RFX3: variants seen among roughly 807,000 people sequenced by gnomAD.
The protein encoded by RFX3 is transcription factor RFX3.
In RFX3, 14 loss-of-function variants were observed where a neutral mutation model predicts 98.6. That is an observed-to-expected ratio of 0.14 (90% CI 0.09 to 0.22). The LOEUF (loss-of-function observed/expected upper bound fraction) is 0.22. Ranked by LOEUF, RFX3 falls within the 10% of genes least tolerant of loss-of-function variation. The pLI is 1.00. For synonymous variants in RFX3, 383 were observed against 328.4 expected, an observed-to-expected ratio of 1.17 and a Z score of -1.80; for missense variants, 639 against 926.9, an observed-to-expected ratio of 0.69 and a Z score of 4.03.
At chr9:3,325,838 G>A (rs1831849616) in intron 4 of RFX3, among the ~76,000 whole-genome samples, 1 of 151,938 alleles carries the variant, frequency 6.6e-6, no homozygotes, top group Non-Finnish European at 1.5e-5. Context: ...TGATTATATA[G>A]AAAAATAATC....
At chr9:3,345,146 C>T (rs76343821) in intron 3 of RFX3, among the ~76,000 whole-genome samples, 244 of 152,106 alleles carry the variant, frequency 1.6e-3, no homozygotes, top group African/African-American at 5.5e-3. Context: ...AAGCTAACTG[C>T]AGAGAAGGAG....
chr9:3,438,566 T>C (rs1845358908), intron 1 of RFX3, among the ~76,000 whole-genome samples: 1 of 151,858 alleles, frequency 6.6e-6, no homozygotes, highest in African/African-American at 2.4e-5. Context: ...ATCTAAATAC[T>C]CCAATTAAAA....
rs1016670746 is a variant in RFX3, at chr9:3,349,411, A to T, written c.118-2647T>A. ...GCTTGATACGCAGTTAAATTCATGT[A>T]TTTAATTTTCTTTTTAATTTTAGGA... On this transcript the variant is annotated intron_variant, in intron 2 of 16. Transcript: ENST00000617270. Among the ~76,000 whole-genome samples the T allele has an allele frequency of 3.3e-4, 50 of 152,100 alleles. 2 individuals carry two copies. The highest frequency in any genetic ancestry group is 3.2e-3 in the Admixed American group (49 of 15,254).
At position 3,489,505 on chromosome 9, in the gene RFX3, A is replaced by G. The variant is rs140873853; in HGVS notation, c.-9+36242T>C. 709 of 695,782 alleles carry G rather than the reference A, an allele frequency of 1.0e-3. 2 individuals are homozygous for G. Among genetic ancestry groups the G allele is most frequent in the Admixed American group, 1.2e-3 (19 of 15,948 alleles). 43.1% of individuals were successfully genotyped at this position (695,782 alleles called of 1,614,324 possible). A position where few individuals can be genotyped will look rare whatever the true frequency, so the allele number is the denominator to read the frequency against. ...AGTAGAGTAGGGGAATTATGACATC[A>G]GCAGTATATTAACCAATTACTCTAC... On this transcript the variant is annotated intron_variant, in intron 1 of 16. Transcript: ENST00000617270.
chr9:3,239,585 A>G (rs1819638687), intron 15 of RFX3, among the ~76,000 whole-genome samples: 1 of 152,252 alleles, frequency 6.6e-6, no homozygotes, highest in African/African-American at 2.4e-5. Flanking sequence ...TCTAAGACAC[A>G]CTTACAAGTG....
chr9:3,309,620 G>A lies in RFX3; in HGVS notation c.475-8000C>T, dbSNP rs141282153. On this transcript the variant is annotated intron_variant, in intron 4 of 16. Transcript: ENST00000617270. Reference sequence around the variant, plus strand: ...GAGGGTCAAATGATGTCCAATAAACGTTGTGCTTGTGTTCTCTTCCCATGT... The same window carrying A: ...GAGGGTCAAATGATGTCCAATAAACATTGTGCTTGTGTTCTCTTCCCATGT... 2.1e-4 allele frequency among the ~76,000 whole-genome samples: 32 copies of A among 152,148 alleles called. No individual in the cohort carries two copies. In the East Asian group the frequency reaches 3.5e-3, roughly 17 times the overall value.
chr9:3,280,384 CATGGTATATCGACA>C (rs1825783505), intron 7 of RFX3, among the ~76,000 whole-genome samples: 1 of 151,700 alleles, frequency 6.6e-6, no homozygotes, highest in African/African-American at 2.4e-5. Flanking sequence ...TGAATCATGT[CATGGTATATCGACA>C]ATGTATTGTC....
In RFX3 at chr9:3,252,774, GT is replaced by G. The variant is rs556357237; in HGVS notation, c.1814+4216del. ...CCTGATTTCAGCATAAAATGCACAC[GT>G]AATACTAAATTCTGTTGGAAGTTTA... On this transcript the variant is annotated intron_variant, in intron 14 of 16. Coordinates refer to ENST00000617270, the MANE Select transcript of RFX3 (RefSeq NM_001282116.2). Among the ~76,000 whole-genome samples the G allele has an allele frequency of 9.2e-5, 14 of 152,106 alleles. No individual in the cohort carries two copies. In the South Asian group the frequency reaches 2.1e-3, roughly 23 times the overall value.
At chr9:3,390,694 G>A (rs1437574780) in intron 2 of RFX3, among the ~76,000 whole-genome samples, 2 of 152,106 alleles carry the variant, frequency 1.3e-5, no homozygotes, top group African/African-American at 2.4e-5. Flanking sequence ...TTTAAAAATG[G>A]GAGTTTCCCT....
chr9:3,400,494 T>A (rs562690957), intron 1 of RFX3, among the ~76,000 whole-genome samples: 2 of 152,182 alleles, frequency 1.3e-5, no homozygotes, highest in Non-Finnish European at 2.9e-5. Context: ...TATTCCCAAA[T>A]TACTGCTCAT....
At chr9:3,367,586 CCAGA>C (rs1291137659) in intron 2 of RFX3, among the ~76,000 whole-genome samples, 1 of 152,176 alleles carries the variant, frequency 6.6e-6, no homozygotes, top group South Asian at 2.1e-4. Flanking sequence ...AGAAACTAAT[CCAGA>C]CAGAGTCCAA....
intron 1 of RFX3, among the ~76,000 whole-genome samples, chr9:3,498,355 T>A (rs921853979): frequency 6.6e-6 from 1 of 152,094 alleles, no homozygotes; most frequent in African/African-American, 2.4e-5. Context: ...TAGCCTGTTT[T>A]CTTAGATAAA....
intron 1 of RFX3, among the ~76,000 whole-genome samples, chr9:3,521,033 T>C (rs1818657933): frequency 6.6e-6 from 1 of 152,190 alleles, no homozygotes; most frequent in African/African-American, 2.4e-5. Flanking sequence ...TGATAACCAC[T>C]ATTGCCATTT....
chr9:3,417,379 C>T (rs974327333), intron 1 of RFX3, among the ~76,000 whole-genome samples: 52 of 152,032 alleles, frequency 3.4e-4, no homozygotes, highest in Non-Finnish European at 5.4e-4. Flanking sequence ...AATATATACC[C>T]TTCTCAAGTA....
intron 1 of RFX3, among the ~76,000 whole-genome samples, chr9:3,494,213 A>G (rs1402639930): frequency 6.6e-6 from 1 of 152,162 alleles, no homozygotes; most frequent in Non-Finnish European, 1.5e-5. Context: ...TTCTGCCTCA[A>G]TCATATATTT....
intron 3 of RFX3, among the ~76,000 whole-genome samples, chr9:3,337,031 G>A (rs902091680): frequency 1.3e-5 from 2 of 152,270 alleles, no homozygotes; most frequent in Non-Finnish European, 2.9e-5. Context: ...ACAGACTATT[G>A]TAAGAAGTTT....
rs185489909 is a variant in RFX3, at chr9:3,369,890, C to T, written c.118-23126G>A. Among the ~76,000 whole-genome samples, 950 of 152,048 alleles carry T rather than the reference C, an allele frequency of 6.2e-3. 7 individuals carry two copies. Among genetic ancestry groups the T allele is most frequent in the African/African-American group, 0.017 (685 of 41,498 alleles). On this transcript the variant is annotated intron_variant, in intron 2 of 16. Coordinates refer to ENST00000617270, the MANE Select transcript of RFX3 (RefSeq NM_001282116.2). ...TGTCGCCCAGGCTGGAGTGCGGTGGCGCCATCTCCGCTCACTGCAAGCTCC... is the reference window on the plus strand; with the variant it reads ...TGTCGCCCAGGCTGGAGTGCGGTGGTGCCATCTCCGCTCACTGCAAGCTCC...
chr9:3,336,708 A>G (rs769040446), intron 3 of RFX3, among the ~76,000 whole-genome samples: 33 of 152,336 alleles, frequency 2.2e-4, no homozygotes, highest in Non-Finnish European at 3.7e-4. Flanking sequence ...GGTAAAAACT[A>G]AACATGCATG....
chr9:3,459,861 C>A (rs1047527854), intron 1 of RFX3, among the ~76,000 whole-genome samples: 7 of 152,008 alleles, frequency 4.6e-5, no homozygotes, highest in African/African-American at 1.4e-4. Context: ...AACTCTAATA[C>A]AATTTCATTT....
Sources: allele counts gnomAD v4.1 joint callset (sites outside exome capture counted in the v4.1 genomes callset), GRCh38; gene constraint gnomAD v4.1.1; transcripts MANE v1.5; gene names NCBI Gene and HGNC (gene_info 2026-07-23, HGNC 2026-07-21).